NMNAT2: variants seen among roughly 807,000 people sequenced by gnomAD.
NMNAT2 encodes nicotinamide nucleotide adenylyltransferase 2, also known as nicotinamide/nicotinic acid mononucleotide adenylyltransferase 2.
Under a neutral mutation model 41.6 loss-of-function variants are expected in NMNAT2, and 11 were observed. The observed-to-expected ratio is 0.26, with a 90% confidence interval of 0.17 to 0.44. The LOEUF is 0.44. NMNAT2 is among the 20% of genes least tolerant of loss of function. The pLI is 1.00. For missense variants in NMNAT2, 288 were observed against 407.7 expected, an observed-to-expected ratio of 0.71 and a Z score of 2.53; for synonymous variants, 148 against 151.2, an observed-to-expected ratio of 0.98 and a Z score of 0.16.
chr1:183,308,343 G>A (rs1458361978), intron 1 of NMNAT2, among the ~76,000 whole-genome samples: 1 of 152,172 alleles, frequency 6.6e-6, no homozygotes, highest in East Asian at 1.9e-4. Context: ...ATTCTAACAC[G>A]TGGTCCACGA....
chr1:183,256,512 A>G (rs1307613637), intron 10 of NMNAT2, among the ~76,000 whole-genome samples: 1 of 152,226 alleles, frequency 6.6e-6, no homozygotes, highest in Non-Finnish European at 1.5e-5. Flanking sequence ...TCAAGAAAGG[A>G]TGTTGAACTT....
chr1:183,296,085 G>T (rs1323771873), intron 1 of NMNAT2, among the ~76,000 whole-genome samples: 1 of 152,098 alleles, frequency 6.6e-6, no homozygotes, highest in Non-Finnish European at 1.5e-5. Context: ...CCTGACCTCA[G>T]GAGATCCGCC....
chr1:183,309,721 G>A (rs571653847), intron 1 of NMNAT2, among the ~76,000 whole-genome samples: 3 of 152,174 alleles, frequency 2.0e-5, no homozygotes, highest in Non-Finnish European at 4.4e-5. Context: ...ATGGATGGCA[G>A]CACTGTCCCC....
intron 1 of NMNAT2, among the ~76,000 whole-genome samples, chr1:183,391,337 A>G (rs1384264560): frequency 6.6e-6 from 1 of 152,126 alleles, no homozygotes; most frequent in Non-Finnish European, 1.5e-5. Flanking sequence ...ACTCTTCTAC[A>G]TATAGATGAA....
chr1:183,286,658 C>T lies in NMNAT2; in HGVS notation c.448+4G>A, dbSNP rs1661405367. The T allele has an allele frequency of 1.9e-6, 3 of 1,605,632 alleles. No homozygotes were observed. In the East Asian group the frequency reaches 6.7e-5, roughly 36 times the overall value. On this transcript the variant is annotated splice_donor_region_variant and intron_variant, in intron 5 of 10. Coordinates refer to ENST00000287713, the MANE Select transcript of NMNAT2 (RefSeq NM_015039.4). Reference sequence around the variant, plus strand: ...CTGAGAATCACACATCAGTGTTCCCCTACCTGCAGTGGGCTTGGTGGCCAC... The same window carrying T: ...CTGAGAATCACACATCAGTGTTCCCTTACCTGCAGTGGGCTTGGTGGCCAC...
At chr1:183,323,730 T>TC (rs949953635) in intron 1 of NMNAT2, among the ~76,000 whole-genome samples, 1 of 151,612 alleles carries the variant, frequency 6.6e-6, no homozygotes, top group Non-Finnish European at 1.5e-5. Context: ...CTTACAACCT[T>TC]CCCCCCAGCT....
intron 1 of NMNAT2, among the ~76,000 whole-genome samples, chr1:183,378,933 C>T (rs1663735822): frequency 6.6e-6 from 1 of 152,058 alleles, no homozygotes; most frequent in African/African-American, 2.4e-5. Flanking sequence ...ATCCCAGCTT[C>T]TTGGGAGGCT....
intron 7 of NMNAT2, among the ~76,000 whole-genome samples, chr1:183,280,867 C>A (rs989060036): frequency 1.3e-5 from 2 of 148,538 alleles, no homozygotes; most frequent in East Asian, 4.0e-4. Flanking sequence ...CTCACCGCAA[C>A]CTCCGCCTCC....
chr1:183,316,123 G>T (rs982320423), intron 1 of NMNAT2, among the ~76,000 whole-genome samples: 3 of 152,182 alleles, frequency 2.0e-5, no homozygotes, highest in African/African-American at 7.2e-5. Context: ...GTTTGAGGCA[G>T]CGAGGCATGC....
chr1:183,350,687 G>A (rs1200802904), intron 1 of NMNAT2, among the ~76,000 whole-genome samples: 2 of 152,160 alleles, frequency 1.3e-5, no homozygotes, highest in Admixed American at 1.3e-4. Flanking sequence ...AAAGGAAGCT[G>A]TTACAGAAAT....
chr1:183,258,788 C>G (rs1660586044), intron 10 of NMNAT2, among the ~76,000 whole-genome samples: 1 of 151,966 alleles, frequency 6.6e-6, no homozygotes, highest in African/African-American at 2.4e-5. Flanking sequence ...AATTTGCGGC[C>G]CCCCACCCAG....
At chr1:183,362,423 C>A (rs1663325467) in intron 1 of NMNAT2, among the ~76,000 whole-genome samples, 1 of 152,166 alleles carries the variant, frequency 6.6e-6, no homozygotes, top group South Asian at 2.1e-4. Context: ...TTGCCATTCC[C>A]CACCGCCCCC....
intron 1 of NMNAT2, among the ~76,000 whole-genome samples, chr1:183,388,119 C>T (rs1195733385): frequency 6.6e-6 from 1 of 152,152 alleles, no homozygotes. Flanking sequence ...AACTACAGCC[C>T]AGGATCAGTA....
chr1:183,295,316 CAATGTGA>C (rs938625182), intron 1 of NMNAT2, among the ~76,000 whole-genome samples: 1 of 151,966 alleles, frequency 6.6e-6, no homozygotes, highest in African/African-American at 2.4e-5. Flanking sequence ...CTTTTTCTTT[CAATGTGA>C]AATTTCTTAG....
At chr1:183,305,970 C>A (rs527685952) in intron 1 of NMNAT2, among the ~76,000 whole-genome samples, 8 of 152,308 alleles carry the variant, frequency 5.3e-5, no homozygotes, top group African/African-American at 1.9e-4. Flanking sequence ...GGTCCACCTG[C>A]TTCGGCCTCC....
intron 3 of NMNAT2, among the ~76,000 whole-genome samples, chr1:183,292,190 G>A (rs1661560473): frequency 6.6e-6 from 1 of 152,238 alleles, no homozygotes; most frequent in African/African-American, 2.4e-5. Flanking sequence ...AGCATAATTA[G>A]TGGAAGCTTG....
intron 1 of NMNAT2, among the ~76,000 whole-genome samples, chr1:183,414,774 G>A (rs1649209908): frequency 6.6e-6 from 1 of 152,108 alleles, no homozygotes; most frequent in African/African-American, 2.4e-5. Flanking sequence ...CAAATATTGA[G>A]AATTGTACAA....
chr1:183,343,277 C>CA (rs1448534746), intron 1 of NMNAT2, among the ~76,000 whole-genome samples: 1 of 152,180 alleles, frequency 6.6e-6, no homozygotes, highest in Non-Finnish European at 1.5e-5. Flanking sequence ...CACATTCATA[C>CA]ACTCTAGTTC....
At chr1:183,293,672 T>C in intron 2 of NMNAT2, 33 bp downstream of exon 2, 1 of 1,483,438 alleles carries the variant, frequency 6.7e-7, no homozygotes, top group South Asian at 1.1e-5. Context: ...GGGACGGGGA[T>C]TGAAGAGGAG....
Sources: allele counts gnomAD v4.1 joint callset (sites outside exome capture counted in the v4.1 genomes callset), GRCh38; gene constraint gnomAD v4.1.1; transcripts MANE v1.5; gene names NCBI Gene and HGNC (gene_info 2026-07-23, HGNC 2026-07-21).